The following AGMO variants were observed in gnomAD, a reference collection of about 807,000 sequenced individuals.
AGMO encodes the protein glyceryl-ether monooxygenase.
Under a neutral mutation model 60.2 loss-of-function variants are expected in AGMO, and 75 were observed. The observed-to-expected ratio is 1.25, with a 90% CI of 1.03 to 1.51. The LOEUF (loss-of-function observed/expected upper bound fraction) is 1.51. AGMO is among the 40% of genes most tolerant of loss of function. AGMO has a pLI of 0.00. For synonymous variants in AGMO, 261 were observed against 177.1 expected (o/e 1.47, Z -3.76); for missense variants, 763 against 525.5 (o/e 1.45, Z -4.42).
chr7:15,387,707 T>A (rs747438386), intron 8 of AGMO, among the ~76,000 whole-genome samples, 167 bp from the exon 9 acceptor site: 8 of 152,184 alleles, frequency 5.3e-5, no homozygotes, highest in Non-Finnish European at 1.0e-4. Context: ...TGTAATCTAT[T>A]CTATGCACTG....
At chr7:15,275,958 G>A (rs887828282) in intron 12 of AGMO, among the ~76,000 whole-genome samples, 4 of 151,998 alleles carry the variant, frequency 2.6e-5, no homozygotes, top group East Asian at 1.9e-4. Flanking sequence ...TGCAGCAAAC[G>A]GTTGGGTCTT....
intron 12 of AGMO, among the ~76,000 whole-genome samples, chr7:15,331,632 G>A (rs1563091815): frequency 6.6e-6 from 1 of 152,028 alleles, no homozygotes; most frequent in African/African-American, 2.4e-5. Context: ...CTCATTTTTA[G>A]TTAAGAATTG....
chr7:15,209,135 C>A (rs1781511809), intron 12 of AGMO, among the ~76,000 whole-genome samples: 1 of 152,156 alleles, frequency 6.6e-6, no homozygotes, highest in Admixed American at 6.5e-5. Flanking sequence ...GTTATCACAG[C>A]CCACCGATTT....
At position 15,529,752 on chromosome 7, in the gene AGMO, C is replaced by CCA. The variant is rs1562555237; in HGVS notation, c.409+15019_409+15020insTG. The stretch of plus-strand genomic sequence containing the variant: ...CTATATATATTCTATATATATATTT[C>CCA]TATATATATATTTCTCTATATATAT... On this transcript the variant is annotated intron_variant, in intron 3 of 12. Coordinates refer to ENST00000342526, the MANE Select transcript of AGMO (RefSeq NM_001004320.2). Among the ~76,000 whole-genome samples the CCA allele has an allele frequency of 3.7e-4, 40 of 108,516 alleles. 5 individuals are homozygous for CCA. Among genetic ancestry groups the CCA allele is most frequent in the African/African-American group, 1.5e-3 (39 of 26,104 alleles). The allele number at this position is 108,516 out of a possible 152,430, so 71.2% of individuals were successfully genotyped here.
intron 3 of AGMO, among the ~76,000 whole-genome samples, chr7:15,438,810 C>T (rs1781468287): frequency 6.6e-6 from 1 of 152,190 alleles, no homozygotes; most frequent in Non-Finnish European, 1.5e-5. Context: ...ATTCATTGTG[C>T]TAATTCACTG....
intron 3 of AGMO, among the ~76,000 whole-genome samples, chr7:15,433,851 T>C (rs541143592): frequency 2.6e-5 from 4 of 152,186 alleles, no homozygotes; most frequent in African/African-American, 9.6e-5. Flanking sequence ...AATGTAATTC[T>C]GTATATTTTA....
At chr7:15,375,691 C>A (rs981737936) in intron 10 of AGMO, among the ~76,000 whole-genome samples, 7 of 152,116 alleles carry the variant, frequency 4.6e-5, no homozygotes, top group African/African-American at 1.7e-4. Flanking sequence ...CCACTGTGCC[C>A]AGCCTCTTCA....
chr7:15,368,024 T>G (rs1003301380), intron 10 of AGMO, among the ~76,000 whole-genome samples: 4 of 152,072 alleles, frequency 2.6e-5, no homozygotes, highest in African/African-American at 9.7e-5. Flanking sequence ...CACGGCCAAC[T>G]TCCTGGAATG....
At chr7:15,531,207 C>CTA (rs1433858473) in intron 3 of AGMO, among the ~76,000 whole-genome samples, 11 of 62,994 alleles carry the variant, frequency 1.7e-4, no homozygotes, top group African/African-American at 7.9e-4. Flanking sequence ...TATATATATT[C>CTA]TATATATTCT....
chr7:15,518,658 C>G (rs1783891248), intron 3 of AGMO, among the ~76,000 whole-genome samples: 1 of 152,076 alleles, frequency 6.6e-6, no homozygotes, highest in Non-Finnish European at 1.5e-5. Flanking sequence ...CTCAAAAACC[C>G]CATCCAAAGT....
chr7:15,293,343 A>C (rs962028591), intron 12 of AGMO, among the ~76,000 whole-genome samples: 3 of 152,152 alleles, frequency 2.0e-5, no homozygotes, highest in Non-Finnish European at 2.9e-5. Context: ...AGAATTAAAC[A>C]GCACTATTTA....
chr7:15,234,331 T>C (rs1183177116), intron 12 of AGMO, among the ~76,000 whole-genome samples: 1 of 152,180 alleles, frequency 6.6e-6, no homozygotes, highest in Non-Finnish European at 1.5e-5. Context: ...CCAAGGTTAG[T>C]GTCACATTTT....
chr7:15,365,396 G>C (rs80124003), intron 12 of AGMO, 118 bp downstream of exon 12: 3 of 175,082 alleles, frequency 1.7e-5, no homozygotes, highest in East Asian at 1.0e-4. Context: ...AAAAAAAAAA[G>C]ATCAAGATTT....
chr7:15,350,558 G>A (rs1782203799), intron 12 of AGMO, among the ~76,000 whole-genome samples: 1 of 152,110 alleles, frequency 6.6e-6, no homozygotes, highest in Admixed American at 6.6e-5. Flanking sequence ...AACTCACATT[G>A]AGAGTCAGAG....
Position 15,390,868 on chromosome 7 carries a change from A to G in AGMO, c.714T>C (p.Gly238=). Residue 238 remains glycine, a synonymous_variant, in exon 7 of 13, where the codon GGT becomes GGC. Transcript: ENST00000342526. The part of the protein sequence containing the change: ...NRYCIDKNYA[G]VLIIWDKIFG... ...AAATTTTATCCCAAATAATAAGAAC[A>G]CCAGCATAATTTTTGTCTATGCAAT... 1 of 1,605,030 alleles carries G rather than the reference A, an allele frequency of 6.2e-7. No homozygotes were observed.
chr7:15,476,656 A>G (rs1167915651), intron 3 of AGMO, among the ~76,000 whole-genome samples: 1 of 152,114 alleles, frequency 6.6e-6, no homozygotes, highest in African/African-American at 2.4e-5. Flanking sequence ...CAAGTGCAAC[A>G]AAAACAGTGA....
intron 10 of AGMO, among the ~76,000 whole-genome samples, chr7:15,383,957 A>G (rs575795336): frequency 6.6e-6 from 1 of 151,352 alleles, no homozygotes; most frequent in Admixed American, 6.6e-5. Context: ...TTTGTTTGAG[A>G]CTGAGTCTCG....
the AGMO span, among the ~76,000 whole-genome samples, chr7:15,179,587 C>G: frequency 1.3e-5 from 2 of 152,118 alleles, no homozygotes; most frequent in Non-Finnish European, 2.9e-5. Flanking sequence ...TTTCACTGGG[C>G]TCAGCTCACA....
chr7:15,275,173 T>C (rs1355576913), intron 12 of AGMO, among the ~76,000 whole-genome samples: 2 of 152,108 alleles, frequency 1.3e-5, no homozygotes, highest in Non-Finnish European at 2.9e-5. Context: ...CTTTTTAAGG[T>C]AGGCATTTAA....
Sources: allele counts gnomAD v4.1 joint callset (sites outside exome capture counted in the v4.1 genomes callset), GRCh38; gene constraint gnomAD v4.1.1; transcripts MANE v1.5; gene names NCBI Gene and HGNC (gene_info 2026-07-23, HGNC 2026-07-21).